Variants in LRBA observed in about 807,000 individuals in gnomAD.
LRBA encodes LPS responsive beige-like anchor protein, also known as lipopolysaccharide-responsive and beige-like anchor protein.
A neutral mutation model predicts 330.0 loss-of-function variants in LRBA; 176 were observed. The ratio of observed to expected loss-of-function variants is 0.53; its 90% confidence interval spans 0.47 to 0.60. The LOEUF is 0.60. LRBA is among the 20% of genes least tolerant of loss of function. LRBA has a pLI of 0.00. For synonymous variants in LRBA, 1,230 were observed against 1,193.0 expected, an observed-to-expected ratio of 1.03 and a Z score of -0.64; for missense variants, 3,259 against 3,444.8, an observed-to-expected ratio of 0.95 and a Z score of 1.35.
At chr4:150,345,166 A>G (rs1162647129) in intron 48 of LRBA, among the ~76,000 whole-genome samples, 2 of 152,202 alleles carry the variant, frequency 1.3e-5, no homozygotes, top group Non-Finnish European at 2.9e-5. Flanking sequence ...TTATCTCTGT[A>G]CTGAATTTAT....
intron 36 of LRBA, among the ~76,000 whole-genome samples, chr4:150,692,626 A>G (rs543476034): frequency 6.6e-6 from 1 of 152,324 alleles, no homozygotes; most frequent in South Asian, 2.1e-4. Context: ...CCTTCTACAA[A>G]TCAATGAGGA....
chr4:150,358,027 C>G (rs893985251), intron 47 of LRBA, among the ~76,000 whole-genome samples: 2 of 151,990 alleles, frequency 1.3e-5, no homozygotes, highest in Non-Finnish European at 2.9e-5. Flanking sequence ...TATTTCTATT[C>G]CTGAGATAAG....
chr4:150,855,866 C>T (rs1327959914), intron 22 of LRBA, among the ~76,000 whole-genome samples: 4 of 152,150 alleles, frequency 2.6e-5, no homozygotes, highest in African/African-American at 4.8e-5. Context: ...AATACTGCCA[C>T]ACCTGAGCTC....
intron 48 of LRBA, among the ~76,000 whole-genome samples, chr4:150,327,691 T>C (rs888456292): frequency 2.0e-5 from 3 of 152,178 alleles, no homozygotes; most frequent in Admixed American, 6.5e-5. Flanking sequence ...GTTCACATAA[T>C]TGTTTGGAAA....
chr4:150,631,374 T>C (rs1725265469), intron 37 of LRBA, among the ~76,000 whole-genome samples: 2 of 152,132 alleles, frequency 1.3e-5, no homozygotes, highest in African/African-American at 2.4e-5. Context: ...AATGAGAGTA[T>C]AAAACATTAG....
chr4:150,493,168 G>C (rs1332695381), intron 40 of LRBA, among the ~76,000 whole-genome samples: 1 of 152,028 alleles, frequency 6.6e-6, no homozygotes, highest in Non-Finnish European at 1.5e-5. Context: ...TTTTTTTGTA[G>C]AGATGAGGTC....
chr4:150,346,757 C>CCAAAAAAAAAAAAAAAAAAAA (rs1206950764), intron 48 of LRBA, among the ~76,000 whole-genome samples: 4 of 66,136 alleles, frequency 6.0e-5, no homozygotes, highest in African/African-American at 3.1e-4. Flanking sequence ...GACTCTGTCT[C>CCAAAAAAAAAAAAAAAAAAAA]AAAAAAAAAA....
intron 40 of LRBA, among the ~76,000 whole-genome samples, chr4:150,587,806 T>C (rs931861295): frequency 1.3e-5 from 2 of 152,082 alleles, no homozygotes; most frequent in African/African-American, 4.8e-5. Context: ...TTCCTTCCCC[T>C]CCTCACAAAG....
chr4:150,654,716 C>T (rs1780015577), intron 37 of LRBA, among the ~76,000 whole-genome samples: 1 of 152,096 alleles, frequency 6.6e-6, no homozygotes, highest in Admixed American at 6.5e-5. Flanking sequence ...ACAACAGGCC[C>T]CAGTGCGTGA....
intron 34 of LRBA, among the ~76,000 whole-genome samples, chr4:150,768,927 CTTTTTTTTTT>C (rs70941440): frequency 2.7e-5 from 2 of 75,024 alleles, no homozygotes; most frequent in Admixed American, 2.0e-4. Flanking sequence ...GTGCTGTCTC[CTTTTTTTTTT>C]TTTTTTTTTT....
chr4:150,951,401 C>T (rs1736821788), intron 2 of LRBA, among the ~76,000 whole-genome samples: 1 of 151,788 alleles, frequency 6.6e-6, no homozygotes, highest in African/African-American at 2.4e-5. Context: ...CTTTGTGACA[C>T]CCCTATACTA....
At chr4:150,884,495 T>A (rs1391599832) in intron 17 of LRBA, among the ~76,000 whole-genome samples, 2 of 152,110 alleles carry the variant, frequency 1.3e-5, no homozygotes, top group Admixed American at 6.5e-5. Context: ...ATCAACACAG[T>A]GGGCCTAAGG....
At chr4:150,642,649 A>G (rs1461762919) in intron 37 of LRBA, among the ~76,000 whole-genome samples, 1 of 151,866 alleles carries the variant, frequency 6.6e-6, no homozygotes. Context: ...TTACTTTTAC[A>G]TTTTACTCTG....
intron 37 of LRBA, among the ~76,000 whole-genome samples, chr4:150,620,882 C>T (rs141340785): frequency 6.8e-4 from 104 of 152,132 alleles, no homozygotes; most frequent in Non-Finnish European, 1.3e-3. Context: ...GTGACTAGTG[C>T]ACTAAAATCT....
At chr4:150,277,162 A>G (rs550832945) in intron 56 of LRBA, among the ~76,000 whole-genome samples, 28 of 152,170 alleles carry the variant, frequency 1.8e-4, no homozygotes, top group African/African-American at 5.8e-4. Context: ...TTCTCAGCAA[A>G]CTAACACAGG....
Position 150,879,663 on chromosome 4 carries a change from G to A in LRBA, c.2166-6908C>T, listed in dbSNP as rs74570468. Among the ~76,000 whole-genome samples, 272 of 152,252 alleles carry A rather than the reference G, an allele frequency of 1.8e-3. 1 individual carries two copies. Among genetic ancestry groups the A allele is most frequent in the Admixed American group, 6.5e-3 (99 of 15,296 alleles). On this transcript the variant is annotated intron_variant, in intron 17 of 56. Coordinates refer to ENST00000651943, the MANE Select transcript of LRBA (RefSeq NM_001364905.1). ...TCCTGTGACTGATTAAATGACTTCA[G>A]TACAGTTTCGGGATATAAAATTGAT...
chr4:150,436,634 A>C, intron 45 of LRBA, 90 bp downstream of exon 45: 1 of 1,098,426 alleles, frequency 9.1e-7, no homozygotes, highest in Non-Finnish European at 1.3e-6. Flanking sequence ...TTTAGTATTC[A>C]AAAAAATATG....
chr4:150,648,305 C>T (rs932459451), intron 37 of LRBA, among the ~76,000 whole-genome samples: 7 of 151,722 alleles, frequency 4.6e-5, no homozygotes, highest in Non-Finnish European at 1.0e-4. Context: ...GAAGAGCTCA[C>T]AAGACCTCTG....
Position 150,954,135 on chromosome 4 carries a change from C to T in LRBA, c.217-25070G>A, listed in dbSNP as rs544976352. On this transcript the variant is annotated intron_variant, in intron 2 of 56. Transcript: ENST00000651943. ...GAGCATCTCTGCCCGGCAGCCGCCC[C>T]GTCGGGGAGGTGGGGGGCAGCCCCC... 3.9e-4 allele frequency among the ~76,000 whole-genome samples: 59 copies of T among 151,238 alleles called. 1 individual carries two copies. In the East Asian group the frequency reaches 8.1e-3, roughly 21 times the overall value.
Sources: allele counts gnomAD v4.1 joint callset (sites outside exome capture counted in the v4.1 genomes callset), GRCh38; gene constraint gnomAD v4.1.1; transcripts MANE v1.5; gene names NCBI Gene and HGNC (gene_info 2026-07-23, HGNC 2026-07-21).